SNRPN: variants seen among roughly 807,000 people sequenced by gnomAD.
The protein encoded by SNRPN is small nuclear ribonucleoprotein polypeptide N, also known as small nuclear ribonucleoprotein-associated protein N.
In SNRPN, 7 loss-of-function variants were observed where a neutral mutation model predicts 25.2. That is an observed-to-expected ratio of 0.28 (90% CI 0.16 to 0.52). The LOEUF is 0.52. SNRPN is among the 20% of genes least tolerant of loss of function. SNRPN has a pLI of 0.96. For missense variants in SNRPN, 196 were observed against 322.5 expected (o/e 0.61, Z 3.00); for synonymous variants, 124 against 110.6 (o/e 1.12, Z -0.76).
chr15:24,936,308 A>G (rs1408330402), intron 3 of SNRPN, among the ~76,000 whole-genome samples: 2 of 152,172 alleles, frequency 1.3e-5, no homozygotes, highest in African/African-American at 4.8e-5. Flanking sequence ...TAGGAGGCCA[A>G]GTTAGGCTCC....
chr15:24,967,683 C>T (rs1161342566), intron 2 of SNRPN, among the ~76,000 whole-genome samples: 1 of 150,430 alleles, frequency 6.6e-6, no homozygotes, highest in Non-Finnish European at 1.5e-5. Context: ...TGGTAGGTGC[C>T]TGTAATCCCA....
Position 24,977,905 on chromosome 15 carries a change from C to T in SNRPN, c.548C>T (p.Thr183Ile). The T allele has an allele frequency of 6.4e-7, 1 of 1,565,808 alleles. No homozygotes were observed. ...GTPPPPVGRA[T>I]PPPGIMAPPP... ...CCGCCCCCACCCGTCGGCAGAGCAA[C>T]CCCACCTCCAGGTAAGGGATTGGTG... Residue 183 changes from threonine to isoleucine, a missense_variant, in exon 8 of 10, where the codon ACC becomes ATC. Thr to Ile is a moderately conservative substitution (Grantham distance 89). Coordinates refer to ENST00000390687, the MANE Select transcript of SNRPN (RefSeq NM_003097.6).
At chr15:24,910,469 C>A (rs1307808242) in intron 2 of SNRPN, among the ~76,000 whole-genome samples, 1 of 151,608 alleles carries the variant, frequency 6.6e-6, no homozygotes. Context: ...AGTGAGATCC[C>A]ATCTCAAAAA....
rs2058594149 is a variant in SNRPN, at chr15:24,903,425, A to G, written c.-504-16586A>G. 2.6e-5 allele frequency among the ~76,000 whole-genome samples: 4 copies of G among 152,156 alleles called. 1 individual carries two copies. The South Asian group carries it at 8.3e-4, about 31-fold the overall frequency. On this transcript the variant is annotated intron_variant, in intron 2 of 11. Transcript: ENST00000400097. ...GCGTAGAGGGTTTGGCAGAGAAAAA[A>G]CAAAAACAAAAACAAAACATCCTAA...
intron 1 of SNRPN, among the ~76,000 whole-genome samples, chr15:24,956,201 G>T (rs1033424571): frequency 3.3e-5 from 5 of 152,268 alleles, no homozygotes; most frequent in African/African-American, 9.6e-5. Flanking sequence ...ATGCCTGGGG[G>T]TTACTTTTTT....
chr15:24,922,885 A>G (rs1015557136), intron 3 of SNRPN, among the ~76,000 whole-genome samples: 14 of 101,516 alleles, frequency 1.4e-4, no homozygotes, highest in Non-Finnish European at 7.6e-5. Flanking sequence ...CACAGTAGGC[A>G]GATCCTTTTT....
At chr15:24,862,737 T>C (rs2054102626) in intron 1 of SNRPN, among the ~76,000 whole-genome samples, 1 of 150,320 alleles carries the variant, frequency 6.7e-6, no homozygotes, top group Non-Finnish European at 1.5e-5. Flanking sequence ...AGGCCTGGGA[T>C]GGGATGGACA....
intron 1 of SNRPN, among the ~76,000 whole-genome samples, chr15:24,866,355 C>A (rs563578332): frequency 6.6e-6 from 1 of 152,212 alleles, no homozygotes; most frequent in East Asian, 1.9e-4. Context: ...TATTACCTCA[C>A]ATAGTTATCA....
intron 3 of SNRPN, among the ~76,000 whole-genome samples, chr15:24,923,959 C>T: frequency 8.7e-6 from 1 of 115,048 alleles, no homozygotes. Flanking sequence ...GAGATGGAGT[C>T]TCACTCTGTC....
intron 2 of SNRPN, among the ~76,000 whole-genome samples, chr15:24,836,493 A>C (rs11161144): frequency 0.81 from 122,098 of 150,282 alleles, 49,702 homozygotes; most frequent in East Asian, 0.92. Flanking sequence ...CTAACCACAA[A>C]CTCTGCGTCC....
intron 2 of SNRPN, chr15:24,909,562 A>G (rs1447464708): frequency 7.1e-7 from 1 of 1,415,128 alleles, no homozygotes; most frequent in Non-Finnish European, 9.9e-7. Context: ...CAACCTTCAC[A>G]CCATATTTTG....
chr15:24,923,538 C>T (rs1355619550), intron 3 of SNRPN, among the ~76,000 whole-genome samples: 2 of 152,056 alleles, frequency 1.3e-5, no homozygotes, highest in Admixed American at 6.6e-5. Flanking sequence ...ATGTTTATAG[C>T]AGCATTATTT....
intron 3 of SNRPN, among the ~76,000 whole-genome samples, chr15:24,925,415 GC>G (rs2060311127): frequency 6.6e-6 from 1 of 151,896 alleles, no homozygotes; most frequent in African/African-American, 2.4e-5. Flanking sequence ...TTCGAGACCA[GC>G]CTGGGTAACA....
At chr15:24,955,461 G>A (rs922805741) in intron 1 of SNRPN, among the ~76,000 whole-genome samples, 1 of 151,858 alleles carries the variant, frequency 6.6e-6, no homozygotes. Context: ...CCAGTGCATA[G>A]GGATTTTAGG....
intron 2 of SNRPN, among the ~76,000 whole-genome samples, chr15:24,919,377 G>A (rs1018629497): frequency 1.3e-5 from 2 of 150,190 alleles, no homozygotes; most frequent in African/African-American, 4.9e-5. Flanking sequence ...CTTGGAGTGA[G>A]CCGAGATAGC....
chr15:24,842,103 C>T (rs1351274906), intron 2 of SNRPN, among the ~76,000 whole-genome samples: 1 of 152,148 alleles, frequency 6.6e-6, no homozygotes, highest in East Asian at 1.9e-4. Context: ...GATGTCTCTG[C>T]CTTGGGCTGA....
intron 2 of SNRPN, among the ~76,000 whole-genome samples, chr15:24,913,649 AAAACAAAAC>A (rs1370082861): frequency 1.4e-5 from 2 of 147,728 alleles, no homozygotes; most frequent in African/African-American, 5.3e-5. Flanking sequence ...CCGTCTCAAA[AAAACAAAAC>A]AAAACAAAAC....
At chr15:24,858,486 A>G (rs1212719696) in intron 1 of SNRPN, among the ~76,000 whole-genome samples, 1 of 152,066 alleles carries the variant, frequency 6.6e-6, no homozygotes, top group Non-Finnish European at 1.5e-5. Context: ...TCCTGAAGAA[A>G]CAATTTAGGG....
At chr15:24,935,972 G>A (rs941346565) in intron 3 of SNRPN, among the ~76,000 whole-genome samples, 1 of 152,038 alleles carries the variant, frequency 6.6e-6, no homozygotes, top group Non-Finnish European at 1.5e-5. Context: ...AAAATTAGCT[G>A]GGCATGGTAG....
Sources: allele counts gnomAD v4.1 joint callset (sites outside exome capture counted in the v4.1 genomes callset), GRCh38; gene constraint gnomAD v4.1.1; transcripts MANE v1.5; gene names NCBI Gene and HGNC (gene_info 2026-07-23, HGNC 2026-07-21).